CLPB: variants seen among roughly 807,000 people sequenced by gnomAD.
CLPB encodes ClpB family mitochondrial disaggregase.
A neutral mutation model predicts 78.4 loss-of-function variants in CLPB; 40 were observed. That is an observed-to-expected ratio of 0.51 (90% confidence interval 0.40 to 0.66). The LOEUF is 0.66. Ranked by LOEUF, CLPB falls within the 30% of genes least tolerant of loss-of-function variation. The probability of loss-of-function intolerance (pLI) is 0.00; values close to 1 mark genes in which losing one functional copy is unlikely to be tolerated. For missense variants in CLPB, 780 were observed against 886.9 expected (o/e 0.88, Z 1.53); for synonymous variants, 333 against 348.0 (o/e 0.96, Z 0.48).
At chr11:72,300,697 T>C (rs1295702423) in intron 11 of CLPB, among the ~76,000 whole-genome samples, 1 of 152,120 alleles carries the variant, frequency 6.6e-6, no homozygotes, top group Admixed American at 6.5e-5. Flanking sequence ...TGGCCTCCTA[T>C]GACATGGGAA....
At chr11:72,377,547 C>T (rs531090156) in intron 4 of CLPB, among the ~76,000 whole-genome samples, 40 of 151,930 alleles carry the variant, frequency 2.6e-4, no homozygotes, top group Admixed American at 2.6e-3. Flanking sequence ...TCCCTATCTA[C>T]CTACCTACCC....
intron 11 of CLPB, among the ~76,000 whole-genome samples, chr11:72,297,700 T>TGTGTGTGC (rs1294715631): frequency 4.9e-5 from 6 of 122,024 alleles, no homozygotes; most frequent in South Asian, 2.6e-4. Flanking sequence ...TGTGTGTGTG[T>TGTGTGTGC]GTGACATGTC....
intron 4 of CLPB, among the ~76,000 whole-genome samples, chr11:72,361,189 C>CAGTTCCTT (rs1418147034): frequency 6.6e-6 from 1 of 152,192 alleles, no homozygotes; most frequent in Non-Finnish European, 1.5e-5. Context: ...GAACAGACAA[C>CAGTTCCTT]AGTTTCTTAG....
intron 2 of CLPB, among the ~76,000 whole-genome samples, chr11:72,415,711 G>C (rs185783979): frequency 9.2e-5 from 14 of 152,312 alleles, no homozygotes; most frequent in African/African-American, 3.4e-4. Flanking sequence ...AGAAGTCATG[G>C]ATCTCAGAAG....
At chr11:72,420,812 G>A (rs1465254705) in intron 2 of CLPB, among the ~76,000 whole-genome samples, 5 of 152,174 alleles carry the variant, frequency 3.3e-5, no homozygotes, top group African/African-American at 4.8e-5. Flanking sequence ...GTAAAGCCCC[G>A]TTCTTAGAGC....
intron 4 of CLPB, among the ~76,000 whole-genome samples, chr11:72,373,425 T>A (rs949902370): frequency 1.3e-5 from 2 of 152,076 alleles, no homozygotes; most frequent in African/African-American, 4.8e-5. Context: ...CCCCCACCCA[T>A]CAGCCAGCCA....
chr11:72,415,788 G>A (rs965699784), intron 2 of CLPB, among the ~76,000 whole-genome samples: 2 of 152,178 alleles, frequency 1.3e-5, no homozygotes, highest in African/African-American at 4.8e-5. Context: ...GCCAATGCAA[G>A]GTCGGGCCAT....
At chr11:72,388,604 G>C (rs1855155286) in intron 3 of CLPB, among the ~76,000 whole-genome samples, 1 of 152,142 alleles carries the variant, frequency 6.6e-6, no homozygotes, top group South Asian at 2.1e-4. Context: ...GTGGGGTATA[G>C]ACAGGGCTAA....
intron 3 of CLPB, among the ~76,000 whole-genome samples, chr11:72,391,543 T>A (rs1375674602): frequency 3.9e-5 from 6 of 152,216 alleles, no homozygotes; most frequent in Admixed American, 2.0e-4. Context: ...CATGAATAAA[T>A]AAATGAAAGA....
At chr11:72,325,401 G>A (rs932426699) in intron 6 of CLPB, among the ~76,000 whole-genome samples, 6 of 152,122 alleles carry the variant, frequency 3.9e-5, no homozygotes, top group Non-Finnish European at 5.9e-5. Context: ...AGAGCTAAGA[G>A]TGCCTGCCTC....
At chr11:72,334,044 G>A (rs537425417) in intron 5 of CLPB, among the ~76,000 whole-genome samples, 1 of 152,314 alleles carries the variant, frequency 6.6e-6, no homozygotes, top group South Asian at 2.1e-4. Context: ...AAAGAAATGG[G>A]AGAGAGAAGA....
rs1323732820 is a variant in CLPB, at chr11:72,409,589, C to CA, written c.456-6538dup. On this transcript the variant is annotated intron_variant, in intron 2 of 15. Transcript: ENST00000538039. Reference sequence around the variant, plus strand: ...ACAGAGAGAGGCTCCATGTCAAAAACAAAAAAAAAGTCCAGAGTTGAATCC... The same window carrying CA: ...ACAGAGAGAGGCTCCATGTCAAAAACAAAAAAAAAAGTCCAGAGTTGAATCC... 8.0e-5 allele frequency among the ~76,000 whole-genome samples: 12 copies of CA among 150,372 alleles called. No individual in the cohort carries two copies. The East Asian group carries it at 1.2e-3, about 15-fold the overall frequency.
chr11:72,424,317 T>G (rs1186071593), intron 2 of CLPB, among the ~76,000 whole-genome samples: 2 of 152,214 alleles, frequency 1.3e-5, no homozygotes, highest in Non-Finnish European at 2.9e-5. Context: ...TTAAAGCCAT[T>G]TTTTTCTTTC....
Position 72,362,643 on chromosome 11 carries a change from T to C in CLPB, c.647-3635A>G, listed in dbSNP as rs541944206. 9.2e-5 allele frequency among the ~76,000 whole-genome samples: 14 copies of C among 152,338 alleles called. No individual in the cohort carries two copies. In the South Asian group the frequency reaches 1.2e-3, roughly 14 times the overall value. On this transcript the variant is annotated intron_variant, in intron 4 of 15. Coordinates refer to ENST00000538039, the MANE Select transcript of CLPB (RefSeq NM_001258392.3). ...TCTCTGTGCCAGGCTCCTTTATCTA[T>C]ATGTGGAGGTAATAACAGTAACGCC...
rs541024075 is a variant in CLPB, at chr11:72,411,436, G to A, written c.456-8384C>T. On this transcript the variant is annotated intron_variant, in intron 2 of 15. Coordinates refer to ENST00000538039, the MANE Select transcript of CLPB (RefSeq NM_001258392.3). Reference sequence around the variant, plus strand: ...TACTAGCTATGTGACCACAATAAATGTCTTTGTGGTCCTTACTTTTATCTG... The same window carrying A: ...TACTAGCTATGTGACCACAATAAATATCTTTGTGGTCCTTACTTTTATCTG... 2.0e-5 allele frequency among the ~76,000 whole-genome samples: 3 copies of A among 152,232 alleles called. No individual in the cohort carries two copies. The South Asian group carries it at 6.2e-4, about 32-fold the overall frequency.
chr11:72,429,344 C>T (rs1234519958), intron 2 of CLPB, among the ~76,000 whole-genome samples: 3 of 152,056 alleles, frequency 2.0e-5, no homozygotes, highest in Non-Finnish European at 2.9e-5. Context: ...AATAATGCTG[C>T]AGATAAAATG....
chr11:72,432,561 A>G (rs1420396660), intron 1 of CLPB, among the ~76,000 whole-genome samples: 1 of 152,170 alleles, frequency 6.6e-6, no homozygotes, highest in Non-Finnish European at 1.5e-5. Context: ...CCCTTGACTG[A>G]TTTTGTGTTA....
Position 72,317,067 on chromosome 11 carries a change from G to C in CLPB, c.988+39C>G, listed in dbSNP as rs748709454. 33 of 1,464,978 alleles carry C rather than the reference G, an allele frequency of 2.3e-5. No individual in the cohort carries two copies. The South Asian group carries it at 3.8e-4, about 17-fold the overall frequency. The allele number at this position is 1,464,978 out of a possible 1,614,324, so 90.7% of individuals were successfully genotyped here. On this transcript the variant is annotated intron_variant, in intron 7 of 15. Transcript: ENST00000538039. ...GTGACGACAGGATGTACCCCTCAAA[G>C]GGCACCACTCTGCCCTTTCTGGTGT...
chr11:72,411,508 G>A (rs559324355), intron 2 of CLPB, among the ~76,000 whole-genome samples: 1 of 152,296 alleles, frequency 6.6e-6, no homozygotes, highest in South Asian at 2.1e-4. Context: ...GTCCCTACCA[G>A]CTCTATAATG....
Sources: allele counts gnomAD v4.1 joint callset (sites outside exome capture counted in the v4.1 genomes callset), GRCh38; gene constraint gnomAD v4.1.1; transcripts MANE v1.5; gene names NCBI Gene and HGNC (gene_info 2026-07-23, HGNC 2026-07-21).